SLF2: variants seen among roughly 807,000 people sequenced by gnomAD.
SLF2 encodes the protein SMC5/6 complex localization factor 2.
A neutral mutation model predicts 124.3 loss-of-function variants in SLF2; 68 were observed. That is an observed-to-expected ratio of 0.55 (90% CI 0.45 to 0.67). SLF2 has a LOEUF of 0.67. Among genes scored for constraint, SLF2 ranks in the 30% least tolerant of loss-of-function variants. SLF2 has a pLI of 0.00. For missense variants in SLF2, 1,246 were observed against 1,373.7 expected, an observed-to-expected ratio of 0.91 and a Z score of 1.47; for synonymous variants, 480 against 478.8, an observed-to-expected ratio of 1.00 and a Z score of -0.03.
In SLF2 at chr10:100,924,989, C is replaced by T. The variant is rs747459730; in HGVS notation, c.1971+17C>T. On this transcript the variant is annotated intron_variant, in intron 5 of 19. Coordinates refer to ENST00000238961, the MANE Select transcript of SLF2 (RefSeq NM_018121.4). ...GACTATACAGTAAGTAGTTCTGTGA[C>T]GTTTATCTTTACTTGAAGAGGGAAA... 29 of 1,574,472 alleles carry T rather than the reference C, an allele frequency of 1.8e-5. No individual in the cohort carries two copies. The East Asian group carries it at 3.8e-4, about 21-fold the overall frequency.
At chr10:100,915,649 A>G (rs1228693321) in intron 1 of SLF2, among the ~76,000 whole-genome samples, 2 of 152,182 alleles carry the variant, frequency 1.3e-5, no homozygotes, top group Non-Finnish European at 2.9e-5. Flanking sequence ...GTAGGTTCAT[A>G]TGCTGATACC....
Position 100,917,213 on chromosome 10 carries a change from A to G in SLF2, c.828A>G (p.Lys276=). ...SFSEASSLSL[K]SSIERKYKPR... Reference sequence around the variant, plus strand: ...CAGAAGCAAGCAGTCTTTCCTTAAAATCTAGTATAGAAAGAAAATATAAAC... The same window carrying G: ...CAGAAGCAAGCAGTCTTTCCTTAAAGTCTAGTATAGAAAGAAAATATAAAC... Residue 276 remains lysine (K), a synonymous_variant, in exon 3 of 20, where the codon AAA becomes AAG. Coordinates refer to ENST00000238961, the MANE Select transcript of SLF2 (RefSeq NM_018121.4). The G allele has an allele frequency of 1.2e-6, 2 of 1,614,234 alleles. No individual in the cohort carries two copies. Among genetic ancestry groups the G allele is most frequent in the Non-Finnish European group, 1.7e-6 (2 of 1,180,040 alleles).
rs753366819 is a variant in SLF2, at chr10:100,957,517, A to AT, written c.3417+995dup. On this transcript the variant is annotated intron_variant, in intron 18 of 19. Coordinates refer to ENST00000238961, the MANE Select transcript of SLF2 (RefSeq NM_018121.4). Reference sequence around the variant, plus strand: ...AGGCGCCCGCTACCATGCCCGGCAAATTTTTTTTTTTTTTTGTATTTTTAG... The same window carrying AT: ...AGGCGCCCGCTACCATGCCCGGCAAATTTTTTTTTTTTTTTTGTATTTTTAG... Among the ~76,000 whole-genome samples, 1,215 of 140,574 alleles carry AT rather than the reference A, an allele frequency of 8.6e-3. 8 individuals are homozygous for AT. Among genetic ancestry groups the AT allele is most frequent in the African/African-American group, 9.4e-3 (359 of 38,174 alleles). The allele number at this position is 140,574 out of a possible 152,430, so 92.2% of individuals were successfully genotyped here.
intron 19 of SLF2, among the ~76,000 whole-genome samples, 195 bp from the exon 20 acceptor site, chr10:100,961,682 T>C (rs1363991552): frequency 6.6e-6 from 1 of 152,220 alleles, no homozygotes; most frequent in Non-Finnish European, 1.5e-5. Flanking sequence ...ACTTATTTTT[T>C]ACTGTTTTTT....
intron 15 of SLF2, 76 bp downstream of exon 15, chr10:100,947,923 AGTCAAAGGTCCTGGG>A: frequency 9.4e-7 from 1 of 1,061,600 alleles, no homozygotes; most frequent in Non-Finnish European, 1.4e-6. Context: ...ATGAACCCTA[AGTCAAAGGTCCTGGG>A]GTCAGAGCTC....
intron 15 of SLF2, among the ~76,000 whole-genome samples, chr10:100,949,582 C>A: frequency 6.6e-6 from 1 of 151,534 alleles, no homozygotes; most frequent in East Asian, 1.9e-4. Flanking sequence ...AGTACTAAAT[C>A]TTTAACTTAA....
At chr10:100,944,653 AT>A (rs1264604881) in intron 12 of SLF2, among the ~76,000 whole-genome samples, 1 of 152,204 alleles carries the variant, frequency 6.6e-6, no homozygotes, top group African/African-American at 2.4e-5. Flanking sequence ...ACATCATTAA[AT>A]AGTTTTGAAA....
At position 100,959,309 on chromosome 10, in the gene SLF2, C is replaced by T. The variant is rs956761192; in HGVS notation, c.3418-119C>T. 7 of 797,142 alleles carry T rather than the reference C, an allele frequency of 8.8e-6. No individual in the cohort carries two copies. In the Admixed American group the frequency reaches 1.7e-4, roughly 20 times the overall value. 49.4% of individuals were successfully genotyped at this position (797,142 alleles called of 1,614,324 possible). A position where few individuals can be genotyped will look rare whatever the true frequency, so the allele number is the denominator to read the frequency against. On this transcript the variant is annotated intron_variant, in intron 18 of 19. Transcript: ENST00000238961. ...TTATTTTCTCTTTGTTGACAGAAAT[C>T]AAATTGAGTTGTTGAGTGTGGGCCT...
chr10:100,946,603 A>G (rs1412917378), intron 13 of SLF2, among the ~76,000 whole-genome samples: 1 of 152,150 alleles, frequency 6.6e-6, no homozygotes, highest in Non-Finnish European at 1.5e-5. Context: ...CTGGGATTAC[A>G]GGCTTGAGCC....
chr10:100,937,849 A>G (rs1399571420), intron 10 of SLF2, among the ~76,000 whole-genome samples: 3 of 152,096 alleles, frequency 2.0e-5, no homozygotes, highest in Non-Finnish European at 2.9e-5. Flanking sequence ...AGCTCGGGCA[A>G]TTTACCCATC....
chr10:100,953,939 A>C (rs1850275443), intron 17 of SLF2, among the ~76,000 whole-genome samples: 1 of 151,578 alleles, frequency 6.6e-6, no homozygotes, highest in Non-Finnish European at 1.5e-5. Flanking sequence ...GGCGTGAGCC[A>C]CTGTGCCCGG....
At chr10:100,952,041 C>G (rs967850137) in intron 17 of SLF2, among the ~76,000 whole-genome samples, 4 of 152,000 alleles carry the variant, frequency 2.6e-5, no homozygotes, top group African/African-American at 9.7e-5. Context: ...GTCAGAAGTT[C>G]AAGACCAGCC....
chr10:100,949,970 TATA>T (rs1261649447), intron 15 of SLF2, 103 bp from the exon 16 acceptor site: 3 of 1,106,014 alleles, frequency 2.7e-6, no homozygotes, highest in Non-Finnish European at 3.7e-6. Context: ...TAAAGAAAGC[TATA>T]ATAAAAGGAC....
chr10:100,932,309 C>G (rs1849753293), intron 9 of SLF2, among the ~76,000 whole-genome samples: 2 of 151,918 alleles, frequency 1.3e-5, no homozygotes, highest in East Asian at 3.9e-4. Flanking sequence ...TTAATAAAAT[C>G]CTAAATGTGT....
In SLF2 at chr10:100,924,089, A is replaced by G; in HGVS notation, c.1088A>G (p.Lys363Arg). 2 of 1,613,328 alleles carry G rather than the reference A, an allele frequency of 1.2e-6. No individual in the cohort carries two copies. Among genetic ancestry groups the G allele is most frequent in the Non-Finnish European group, 1.7e-6 (2 of 1,179,816 alleles). The change falls in exon 5 of 20, where the codon AAG becomes AGG. Residue 363 changes from lysine (K) to arginine (R), a missense_variant. Lys to Arg is a conservative substitution (Grantham distance 26, BLOSUM62 2). Transcript: ENST00000238961. ...AAAGCAAGAGAGTCCTTCCTTGAGA[A>G]GCGTCCTGATGGACCACATCAGAAA... ...IPKARESFLE[K>R]RPDGPHQKEK...
rs761061305 is a variant in SLF2 at position 100,963,884 on chromosome 10, G to GA, written c.*1979dup. ...CATTTTTATTTAACAGTTCCAATAAGAAAAAAATCTCTATTTTTAATTATA... is the reference window on the plus strand; with the variant it reads ...CATTTTTATTTAACAGTTCCAATAAGAAAAAAAATCTCTATTTTTAATTATA... On this transcript the variant is annotated 3_prime_UTR_variant, in exon 20 of 20. Transcript: ENST00000238961. 4 of 151,674 alleles carry GA rather than the reference G, an allele frequency of 2.6e-5. No individual in the cohort carries two copies. The highest frequency in any genetic ancestry group is 4.4e-5 in the Non-Finnish European group (3 of 67,812). 9.4% of individuals were successfully genotyped at this position (151,674 alleles called of 1,614,324 possible). A position where few individuals can be genotyped will look rare whatever the true frequency, so the allele number is the denominator to read the frequency against.
intron 9 of SLF2, among the ~76,000 whole-genome samples, chr10:100,935,971 C>A (rs915142036): frequency 1.3e-5 from 2 of 150,088 alleles, no homozygotes; most frequent in African/African-American, 4.9e-5. Flanking sequence ...TGATCCTCCC[C>A]CCTCAGCCCC....
At position 100,945,419 on chromosome 10, in the gene SLF2, G is replaced by T; in HGVS notation, c.2847G>T (p.Leu949Phe). Residue 949 changes from leucine to phenylalanine, a missense_variant, in exon 13 of 20, where the codon TTG becomes TTT. Leu to Phe is a conservative substitution (Grantham distance 22, BLOSUM62 0). Around this residue, in one of 3 missense-constraint regions of SLF2, gnomAD observed 535 missense variants for 632.8 expected, o/e 0.85. Transcript: ENST00000238961. The stretch of plus-strand genomic sequence containing the variant: ...TTTTAATGTTATTTAAAATGAGTTT[G>T]GAAAAACAGCTGAAACAGATTCCTT... ...LLILMLFKMS[L>F]EKQLKQIPLV... The T allele has an allele frequency of 6.2e-7, 1 of 1,600,404 alleles. No homozygotes were observed. The highest frequency in any genetic ancestry group is 1.1e-5 in the South Asian group (1 of 87,264).
rs536072358 is a variant in SLF2, at chr10:100,914,935, A to G, written c.141-1064A>G. Among the ~76,000 whole-genome samples, 121 of 152,346 alleles carry G rather than the reference A, an allele frequency of 7.9e-4. 3 individuals carry two copies. Among genetic ancestry groups the G allele is most frequent in the South Asian group, 7.5e-3 (36 of 4,830 alleles). On this transcript the variant is annotated intron_variant, in intron 1 of 19. Coordinates refer to ENST00000238961, the MANE Select transcript of SLF2 (RefSeq NM_018121.4). Reference sequence around the variant, plus strand: ...ATGTTTAGGGAAATCAATAGTCTATAGCTTATTCTCTTTCAGTAAAATGAT... The same window carrying G: ...ATGTTTAGGGAAATCAATAGTCTATGGCTTATTCTCTTTCAGTAAAATGAT...
Sources: allele counts gnomAD v4.1 joint callset (sites outside exome capture counted in the v4.1 genomes callset), GRCh38; gene constraint gnomAD v4.1.1; regional missense constraint gnomAD v4.1.1; transcripts MANE v1.5; gene names NCBI Gene and HGNC (gene_info 2026-07-23, HGNC 2026-07-21).